CEP57L1: variants seen among roughly 807,000 people sequenced by gnomAD.
CEP57L1 encodes centrosomal protein CEP57L1.
Under a neutral mutation model 61.0 loss-of-function variants are expected in CEP57L1, and 37 were observed. That is an observed-to-expected ratio of 0.61 (90% CI 0.47 to 0.80). The LOEUF (loss-of-function observed/expected upper bound fraction) is 0.80. Among genes scored for constraint, CEP57L1 ranks in the 30% least tolerant of loss-of-function variants. The pLI, the probability that CEP57L1 is intolerant of heterozygous loss-of-function variation, is 0.00. For synonymous variants in CEP57L1, 137 were observed against 162.3 expected, an observed-to-expected ratio of 0.84 and a Z score of 1.19; for missense variants, 422 against 524.7, an observed-to-expected ratio of 0.80 and a Z score of 1.91.
At chr6:109,099,587 T>C (rs1299189175) in intron 1 of CEP57L1, among the ~76,000 whole-genome samples, 2 of 152,172 alleles carry the variant, frequency 1.3e-5, no homozygotes, top group Admixed American at 6.5e-5. Context: ...TTTGCTCTTG[T>C]TGCCCAGGCT....
rs1773997882 is a variant in CEP57L1 at position 109,164,967 on chromosome 6, A to G, written c.*1997A>G. Among the ~76,000 whole-genome samples the G allele has an allele frequency of 6.6e-6, 1 of 151,834 alleles. No individual in the cohort carries two copies. The highest frequency in any genetic ancestry group is 2.4e-5 in the African/African-American group (1 of 41,340). On this transcript the variant is annotated 3_prime_UTR_variant, in exon 11 of 11. Coordinates refer to ENST00000517392, the MANE Select transcript of CEP57L1 (RefSeq NM_001271852.3). Reference sequence around the variant, plus strand: ...GTGGCGCATGCCTGTAATCCCAGCTACTTGGGAGACTGAGGCAGGGGAATC... The same window carrying G: ...GTGGCGCATGCCTGTAATCCCAGCTGCTTGGGAGACTGAGGCAGGGGAATC...
chr6:109,107,401 A>G (rs1322320480), intron 1 of CEP57L1, among the ~76,000 whole-genome samples: 2 of 152,034 alleles, frequency 1.3e-5, no homozygotes, highest in African/African-American at 2.4e-5. Context: ...AACTTTTTAT[A>G]TTTTCCTTCT....
chr6:109,160,634 T>C lies in CEP57L1; in HGVS notation c.1079T>C (p.Ile360Thr), dbSNP rs1249221267. The C allele has an allele frequency of 1.2e-6, 2 of 1,607,010 alleles. No homozygotes were observed. Among genetic ancestry groups the C allele is most frequent in the South Asian group, 1.1e-5 (1 of 89,142 alleles). Reference sequence around the variant, plus strand: ...GAAAGTCATTCAGTCTGTGACGACATAGAATGTGAACTAGAGTGTTTACTC... The same window carrying C: ...GAAAGTCATTCAGTCTGTGACGACACAGAATGTGAACTAGAGTGTTTACTC... ...ETESHSVCDDIECELECLLKK... is the reference protein window; with the variant it reads ...ETESHSVCDDTECELECLLKK... Residue 360 changes from isoleucine to threonine, a missense_variant, in exon 10 of 11, where the codon ATA becomes ACA. By Grantham distance (89) the Ile-to-Thr change is moderately conservative. Coordinates refer to ENST00000517392, the MANE Select transcript of CEP57L1 (RefSeq NM_001271852.3).
At chr6:109,150,802 T>C (rs749866267) in intron 4 of CEP57L1, among the ~76,000 whole-genome samples, 21 of 151,976 alleles carry the variant, frequency 1.4e-4, no homozygotes, top group Non-Finnish European at 2.1e-4. Flanking sequence ...AGTTAAGGTG[T>C]TAAAAGAAAA....
chr6:109,160,711 G>A lies in CEP57L1; in HGVS notation c.1156G>A (p.Asp386Asn), dbSNP rs769983834. The A allele has an allele frequency of 4.4e-6, 7 of 1,587,942 alleles. No homozygotes were observed. The highest frequency in any genetic ancestry group is 5.1e-6 in the Non-Finnish European group (6 of 1,172,956). Residue 386 changes from aspartate (D) to asparagine (N), a missense_variant, in exon 10 of 11, where the codon GAC (aspartate) becomes AAC (asparagine). Asp to Asn is a conservative substitution (Grantham distance 23, BLOSUM62 1). Coordinates refer to ENST00000517392, the MANE Select transcript of CEP57L1 (RefSeq NM_001271852.3). ...AATCTCCAAACTGAAGAAGCATCAA[G>A]ACAGTGTAAGAAGGCTTTAGTAAGA... Reference protein sequence around the residue: ...EQISKLKKHQDSVCKLQQKVQ... With the variant: ...EQISKLKKHQNSVCKLQQKVQ...
intron 1 of CEP57L1, among the ~76,000 whole-genome samples, chr6:109,107,330 T>G (rs945042987): frequency 6.6e-6 from 1 of 152,188 alleles, no homozygotes; most frequent in Non-Finnish European, 1.5e-5. Flanking sequence ...TTTAAAGTTA[T>G]GTATCATCTA....
chr6:109,149,551 G>A (rs555779182), intron 3 of CEP57L1, among the ~76,000 whole-genome samples: 3,572 of 152,004 alleles, frequency 0.023, 129 homozygotes, highest in African/African-American at 0.08. Context: ...GTCAGGTAGC[G>A]TGATGCCTCC....
chr6:109,145,390 G>C lies in CEP57L1; in HGVS notation c.160+9G>C. 2.0e-6 allele frequency: 3 copies of C among 1,517,024 alleles called. No individual in the cohort carries two copies. In the South Asian group the frequency reaches 4.1e-5, roughly 21 times the overall value. 94.0% of individuals were successfully genotyped at this position (1,517,024 alleles called of 1,614,324 possible). On this transcript the variant is annotated intron_variant, in intron 2 of 10. Coordinates refer to ENST00000517392, the MANE Select transcript of CEP57L1 (RefSeq NM_001271852.3). ...TAGCCCAAATAGCCAAGGTAATGCT[G>C]ATATAAAATTTGAAGAATGGTAAAA...
intron 1 of CEP57L1, among the ~76,000 whole-genome samples, chr6:109,122,552 C>T (rs1373920559): frequency 6.6e-6 from 1 of 152,072 alleles, no homozygotes; most frequent in African/African-American, 2.4e-5. Context: ...GCTGTAATCC[C>T]AGTACTTTGG....
intron 1 of CEP57L1, among the ~76,000 whole-genome samples, chr6:109,136,660 G>T (rs1770738943): frequency 6.6e-6 from 1 of 151,220 alleles, no homozygotes; most frequent in Non-Finnish European, 1.5e-5. Context: ...ACACAGCGGT[G>T]CTTCAGTTTG....
intron 1 of CEP57L1, among the ~76,000 whole-genome samples, chr6:109,125,522 A>ATT (rs1216221530): frequency 1.4e-5 from 2 of 139,730 alleles, no homozygotes; most frequent in African/African-American, 2.7e-5. Flanking sequence ...ATATATATAT[A>ATT]TATTTTTTTT....
rs1353440293 is a variant in CEP57L1, at chr6:109,172,839, C to A, written c.*9869C>A. ...ATAAAACTAGGGCCATGTGTTACTA[C>A]AACATAGGAGTTAACTTTGTCTGGA... On this transcript the variant is annotated 3_prime_UTR_variant, in exon 11 of 11. Coordinates refer to ENST00000517392, the MANE Select transcript of CEP57L1 (RefSeq NM_001271852.3). Among the ~76,000 whole-genome samples, 1 of 152,206 alleles carries A rather than the reference C, an allele frequency of 6.6e-6. No homozygotes were observed. The highest frequency in any genetic ancestry group is 1.5e-5 in the Non-Finnish European group (1 of 68,042).
chr6:109,106,946 C>CT (rs1214979090), intron 1 of CEP57L1, among the ~76,000 whole-genome samples: 1 of 152,072 alleles, frequency 6.6e-6, no homozygotes, highest in Admixed American at 6.6e-5. Context: ...TCTCAAAAAA[C>CT]TAACGAAATA....
chr6:109,127,832 G>A (rs984806794), intron 1 of CEP57L1, among the ~76,000 whole-genome samples: 4 of 150,988 alleles, frequency 2.6e-5, no homozygotes, highest in Non-Finnish European at 5.9e-5. Flanking sequence ...GTTTCACCAT[G>A]TTGGCCAGGA....
intron 1 of CEP57L1, among the ~76,000 whole-genome samples, chr6:109,127,681 C>T (rs987400569): frequency 6.6e-6 from 1 of 151,810 alleles, no homozygotes; most frequent in Non-Finnish European, 1.5e-5. Context: ...AGTGCAGTGG[C>T]GCAGTCTCGG....
chr6:109,155,694 AAGC>A, intron 6 of CEP57L1, 94 bp from the exon 7 acceptor site: 1 of 662,486 alleles, frequency 1.5e-6, no homozygotes, highest in East Asian at 3.1e-5. Context: ...CTTCTCCAAA[AAGC>A]ATTTTTATAT....
intron 3 of CEP57L1, among the ~76,000 whole-genome samples, chr6:109,148,952 T>TA (rs1772281268): frequency 6.6e-6 from 1 of 152,232 alleles, no homozygotes; most frequent in Non-Finnish European, 1.5e-5. Context: ...CTTCGCCCAC[T>TA]TGTTGATGGG....
At chr6:109,140,915 C>CCG (rs1190266282) in intron 1 of CEP57L1, among the ~76,000 whole-genome samples, 1 of 152,056 alleles carries the variant, frequency 6.6e-6, no homozygotes, top group East Asian at 1.9e-4. Context: ...ACTGCAAGCT[C>CCG]CGCCTCCCGG....
chr6:109,099,318 G>T (rs768367673), intron 1 of CEP57L1, among the ~76,000 whole-genome samples: 28 of 152,112 alleles, frequency 1.8e-4, no homozygotes, highest in Non-Finnish European at 2.9e-4. Context: ...CCAGTGAGCA[G>T]AGAAAAACCC....
Sources: allele counts gnomAD v4.1 joint callset (sites outside exome capture counted in the v4.1 genomes callset), GRCh38; gene constraint gnomAD v4.1.1; transcripts MANE v1.5; gene names NCBI Gene and HGNC (gene_info 2026-07-23, HGNC 2026-07-21).